COL21A1: variants seen among roughly 807,000 people sequenced by gnomAD.
COL21A1 encodes the protein collagen alpha-1(XXI) chain.
Under a neutral mutation model 137.9 loss-of-function variants are expected in COL21A1, and 149 were observed. The ratio of observed to expected loss-of-function variants is 1.08; its 90% CI spans 0.95 to 1.24. The LOEUF (loss-of-function observed/expected upper bound fraction) is 1.24. Among genes scored for constraint, COL21A1 ranks in the 50% most tolerant of loss-of-function variants. The pLI is 0.00. For missense variants in COL21A1, 1,167 were observed against 1,158.4 expected, an observed-to-expected ratio of 1.01 and a Z score of -0.11; for synonymous variants, 456 against 391.5, an observed-to-expected ratio of 1.16 and a Z score of -1.95.
At chr6:56,369,344 G>A (rs776496205) in intron 1 of COL21A1, among the ~76,000 whole-genome samples, 2 of 151,252 alleles carry the variant, frequency 1.3e-5, no homozygotes, top group Non-Finnish European at 2.9e-5. Flanking sequence ...CTAGATAAAC[G>A]CAGGACCCAT....
chr6:56,130,196 TATATATATATATATAA>T (rs1232891558), intron 12 of COL21A1, among the ~76,000 whole-genome samples: 10 of 23,822 alleles, frequency 4.2e-4, no homozygotes, highest in African/African-American at 1.2e-3. Context: ...TATATATATA[TATATATATATATATAA>T]AATTTCAAAT....
intron 1 of COL21A1, among the ~76,000 whole-genome samples, chr6:56,267,826 G>A (rs563588706): frequency 6.6e-6 from 1 of 151,796 alleles, no homozygotes; most frequent in African/African-American, 2.4e-5. Context: ...CTTATTTGCA[G>A]GGAGGGGATA....
chr6:56,241,643 T>C (rs1335891638), intron 1 of COL21A1, among the ~76,000 whole-genome samples: 8 of 152,208 alleles, frequency 5.3e-5, no homozygotes, highest in South Asian at 2.1e-4. Context: ...ACCTGGGTAT[T>C]TACCTTCTCC....
chr6:56,289,602 G>C (rs1473335465), intron 1 of COL21A1, among the ~76,000 whole-genome samples: 1 of 152,132 alleles, frequency 6.6e-6, no homozygotes, highest in Non-Finnish European at 1.5e-5. Context: ...AAATGCCCTT[G>C]ATAGTAATAA....
At chr6:56,226,139 T>C (rs1265862518) in intron 1 of COL21A1, among the ~76,000 whole-genome samples, 2 of 152,082 alleles carry the variant, frequency 1.3e-5, no homozygotes, top group Admixed American at 1.3e-4. Context: ...TTTAGGAATG[T>C]TACCAATTGT....
intron 1 of COL21A1, among the ~76,000 whole-genome samples, chr6:56,242,936 T>C (rs1448143781): frequency 6.6e-6 from 1 of 152,198 alleles, no homozygotes; most frequent in Non-Finnish European, 1.5e-5. Context: ...CAACATTATC[T>C]GATTTTTTGG....
chr6:56,212,386 C>A (rs939933725), intron 1 of COL21A1, among the ~76,000 whole-genome samples: 10 of 152,030 alleles, frequency 6.6e-5, no homozygotes, highest in African/African-American at 2.2e-4. Context: ...ATATACACTA[C>A]TTAATAAGAA....
intron 16 of COL21A1, among the ~76,000 whole-genome samples, chr6:56,119,003 T>A (rs1772200763): frequency 6.6e-6 from 1 of 152,160 alleles, no homozygotes; most frequent in East Asian, 1.9e-4. Context: ...TAAAAGCCTT[T>A]CCTGTAAGAT....
At chr6:56,058,241 T>C (rs1246802906) in intron 29 of COL21A1, among the ~76,000 whole-genome samples, 1 of 152,202 alleles carries the variant, frequency 6.6e-6, no homozygotes, top group Non-Finnish European at 1.5e-5. Context: ...TTTTGTGCCG[T>C]ATTTGCAACA....
At chr6:56,339,032 G>A (rs6931260) in intron 1 of COL21A1, among the ~76,000 whole-genome samples, 86,231 of 151,978 alleles carry the variant, frequency 0.57, 25,420 homozygotes, top group East Asian at 0.79. Context: ...GAACTACTCT[G>A]TAGCATGTAT....
intron 17 of COL21A1, among the ~76,000 whole-genome samples, chr6:56,089,533 A>G (rs1436330891): frequency 2.0e-5 from 3 of 152,184 alleles, no homozygotes; most frequent in Non-Finnish European, 2.9e-5. Flanking sequence ...TTTTCACTAT[A>G]TGTATTGAAA....
intron 16 of COL21A1, among the ~76,000 whole-genome samples, chr6:56,106,896 C>A (rs965118219): frequency 6.6e-6 from 1 of 152,072 alleles, no homozygotes; most frequent in Non-Finnish European, 1.5e-5. Context: ...ACGCCATTCT[C>A]CTGCCTCAGC....
intron 1 of COL21A1, among the ~76,000 whole-genome samples, chr6:56,334,018 A>C (rs1443691727): frequency 2.6e-5 from 1 of 38,342 alleles, no homozygotes; most frequent in Non-Finnish European, 5.2e-5. Flanking sequence ...GATACAGTGT[A>C]TGCTTTGCAT....
At chr6:56,068,932 C>A (rs1255087426) in intron 22 of COL21A1, 114 bp downstream of exon 22, 1 of 708,970 alleles carries the variant, frequency 1.4e-6, no homozygotes, top group Non-Finnish European at 2.4e-6. Flanking sequence ...ATATAGGGTA[C>A]TTTATCATTA....
chr6:56,153,579 T>C (rs1775493532), intron 10 of COL21A1, among the ~76,000 whole-genome samples: 1 of 152,134 alleles, frequency 6.6e-6, no homozygotes, highest in African/African-American at 2.4e-5. Context: ...TACATTCACT[T>C]TCACCATTTT....
chr6:56,095,059 A>T (rs12190671), intron 17 of COL21A1, among the ~76,000 whole-genome samples: 23,056 of 152,130 alleles, frequency 0.15, 1,753 homozygotes, highest in Middle Eastern at 0.22. Context: ...GTATTTACAG[A>T]AATTCATCTA....
At chr6:56,146,490 T>G (rs10484704) in intron 10 of COL21A1, among the ~76,000 whole-genome samples, 22,993 of 152,106 alleles carry the variant, frequency 0.15, 1,774 homozygotes, top group Middle Eastern at 0.22. Flanking sequence ...GTTTATATGC[T>G]TTTACTGATT....
chr6:56,150,565 C>CACACACACACACACACA (rs1402170446), intron 10 of COL21A1, among the ~76,000 whole-genome samples: 3 of 112,614 alleles, frequency 2.7e-5, no homozygotes, highest in East Asian at 2.3e-4. Context: ...CACACACACA[C>CACACACACACACACACA]AAGAGTGGGG....
chr6:56,066,834 T>C (rs958476653), intron 23 of COL21A1, among the ~76,000 whole-genome samples: 3 of 151,744 alleles, frequency 2.0e-5, no homozygotes, highest in Non-Finnish European at 2.9e-5. Flanking sequence ...TAGCCTGTTA[T>C]AATTTTCTGG....
Sources: gnomAD v4.1 joint callset for allele counts (sites outside exome capture counted in the v4.1 genomes callset) on GRCh38, gnomAD v4.1.1 for gene constraint, MANE v1.5 for transcripts, NCBI Gene and HGNC (gene_info 2026-07-23, HGNC 2026-07-21) for gene names.